TPST1: variants seen among roughly 807,000 people sequenced by gnomAD.
The protein encoded by TPST1 is tyrosylprotein sulfotransferase 1.
Under a neutral mutation model 34.8 loss-of-function variants are expected in TPST1, and 20 were observed. That is an observed-to-expected ratio of 0.57 (90% CI 0.40 to 0.84). The LOEUF (loss-of-function observed/expected upper bound fraction) is 0.84, where lower values mean the gene tolerates loss of function less well. TPST1 is among the 40% of genes least tolerant of loss of function. TPST1 has a pLI of 0.00. For missense variants in TPST1, 353 were observed against 455.5 expected, an observed-to-expected ratio of 0.78 and a Z score of 2.05; for synonymous variants, 152 against 159.4, an observed-to-expected ratio of 0.95 and a Z score of 0.35.
intron 3 of TPST1, among the ~76,000 whole-genome samples, chr7:66,347,100 C>G (rs1389784495): frequency 9.8e-6 from 1 of 102,120 alleles, no homozygotes; most frequent in Admixed American, 1.6e-4. Flanking sequence ...CAGGGTCTCA[C>G]TCTGTCTCCC....
intron 3 of TPST1, among the ~76,000 whole-genome samples, chr7:66,343,213 C>T (rs1364785595): frequency 3.9e-5 from 6 of 152,110 alleles, no homozygotes; most frequent in Admixed American, 1.3e-4. Context: ...TTTAGGGAAA[C>T]GAAGAAATGA....
chr7:66,212,084 C>T (rs1335962436), intron 1 of TPST1, among the ~76,000 whole-genome samples: 2 of 152,178 alleles, frequency 1.3e-5, no homozygotes, highest in African/African-American at 4.8e-5. Context: ...ACAGTTACTA[C>T]AGAGGTTTAT....
At chr7:66,357,503 T>C (rs1792604894) in intron 5 of TPST1, among the ~76,000 whole-genome samples, 1 of 152,258 alleles carries the variant, frequency 6.6e-6, no homozygotes, top group Non-Finnish European at 1.5e-5. Context: ...GTAACCTATA[T>C]TGTCTCATTG....
chr7:66,327,980 GT>G (rs1030094934), intron 3 of TPST1, among the ~76,000 whole-genome samples: 8 of 48,722 alleles, frequency 1.6e-4, no homozygotes, highest in East Asian at 1.0e-3. Context: ...TGTTTTTGGT[GT>G]TTTTTTTTCT....
intron 2 of TPST1, among the ~76,000 whole-genome samples, chr7:66,277,849 A>G (rs945930853): frequency 6.6e-6 from 1 of 152,004 alleles, no homozygotes; most frequent in African/African-American, 2.4e-5. Flanking sequence ...GACCTATTAG[A>G]AGAATGTTGC....
rs1462629550 is a variant in TPST1 at position 66,286,634 on chromosome 7, G to A, written c.969G>A (p.Lys323=). The change falls in exon 3 of 6, where the codon AAG becomes AAA. Residue 323 remains lysine (K), a synonymous_variant. Coordinates refer to ENST00000304842, the MANE Select transcript of TPST1 (RefSeq NM_003596.4). ...CAGTGATTGCTCCTATGCTTGCCAA[G>A]CTTGGATATGACCCATATGCCAACC... is the stretch of plus-strand genomic sequence containing the variant. ...DMAVIAPMLA[K]LGYDPYANPP... is the part of the protein sequence containing the mutation. 1 of 1,608,786 alleles carries A rather than the reference G, an allele frequency of 6.2e-7. No individual in the cohort carries two copies. The highest frequency in any genetic ancestry group is 1.7e-5 in the Admixed American group (1 of 59,534).
chr7:66,337,552 G>T (rs559186480), intron 3 of TPST1, among the ~76,000 whole-genome samples: 2 of 151,876 alleles, frequency 1.3e-5, no homozygotes, highest in African/African-American at 4.8e-5. Flanking sequence ...CAGGTGATCC[G>T]CCCATCTCGG....
At chr7:66,258,750 G>A (rs1354210360) in intron 2 of TPST1, among the ~76,000 whole-genome samples, 1 of 152,190 alleles carries the variant, frequency 6.6e-6, no homozygotes, top group Non-Finnish European at 1.5e-5. Context: ...TAATGAGAAT[G>A]ATTCTTACGC....
At chr7:66,257,912 G>A (rs1218211410) in intron 2 of TPST1, among the ~76,000 whole-genome samples, 1 of 152,180 alleles carries the variant, frequency 6.6e-6, no homozygotes, top group East Asian at 1.9e-4. Flanking sequence ...AATTGAAGGA[G>A]TCATCTGACT....
intron 1 of TPST1, among the ~76,000 whole-genome samples, chr7:66,239,526 T>A (rs1789982711): frequency 6.6e-6 from 1 of 152,210 alleles, no homozygotes; most frequent in African/African-American, 2.4e-5. Context: ...AAATAAATTG[T>A]GGGATAATAA....
chr7:66,237,390 A>G (rs560727806), intron 1 of TPST1, among the ~76,000 whole-genome samples: 4 of 152,290 alleles, frequency 2.6e-5, no homozygotes, highest in African/African-American at 9.6e-5. Context: ...GGATTTCCAG[A>G]GCACTGAAAG....
At chr7:66,311,802 A>C (rs1234973172) in intron 3 of TPST1, among the ~76,000 whole-genome samples, 1 of 152,214 alleles carries the variant, frequency 6.6e-6, no homozygotes, top group Non-Finnish European at 1.5e-5. Flanking sequence ...AAATTTGTCC[A>C]CAGGACGAGG....
At chr7:66,246,271 T>C (rs1790147953) in intron 2 of TPST1, among the ~76,000 whole-genome samples, 1 of 146,266 alleles carries the variant, frequency 6.8e-6, no homozygotes, top group South Asian at 2.2e-4. Flanking sequence ...CCTCAAGCAG[T>C]CTTCCTGCCA....
upstream of TPST1, chr7:66,205,301 C>T (rs763817721): frequency 3.3e-5 from 5 of 152,386 alleles, no homozygotes; most frequent in Non-Finnish European, 5.9e-5. This position sits in a 1 kb window ranked among gnomAD's most constrained non-coding sequence, Gnocchi z 5.0. Flanking sequence ...CTCCCCGGAC[C>T]CTGGCGGTTG....
intron 3 of TPST1, among the ~76,000 whole-genome samples, chr7:66,337,419 C>T (rs1792143213): frequency 6.7e-6 from 1 of 149,612 alleles, no homozygotes. Flanking sequence ...AAGTGATTCT[C>T]ATGCCTCAGC....
chr7:66,267,719 T>C (rs527558399), intron 2 of TPST1, among the ~76,000 whole-genome samples: 16 of 152,182 alleles, frequency 1.1e-4, no homozygotes, highest in Admixed American at 7.2e-4. Flanking sequence ...TCCACAGTTA[T>C]TCATTTATTC....
At chr7:66,277,051 A>G (rs901719069) in intron 2 of TPST1, among the ~76,000 whole-genome samples, 1 of 151,786 alleles carries the variant, frequency 6.6e-6, no homozygotes, top group Non-Finnish European at 1.5e-5. Context: ...AGACTTCCTG[A>G]CTCCATAGCC....
chr7:66,235,717 C>T (rs1789898618), intron 1 of TPST1, among the ~76,000 whole-genome samples: 2 of 152,106 alleles, frequency 1.3e-5, no homozygotes, highest in Admixed American at 6.5e-5. Context: ...GTCCTGATGA[C>T]GTGTGCCCAA....
intron 2 of TPST1, among the ~76,000 whole-genome samples, chr7:66,271,368 G>A (rs1203685851): frequency 1.3e-5 from 2 of 152,110 alleles, no homozygotes; most frequent in African/African-American, 4.8e-5. Context: ...TAGTAGAGAC[G>A]GGGTTTCACC....
Sources: allele counts gnomAD v4.1 joint callset (sites outside exome capture counted in the v4.1 genomes callset), GRCh38; gene constraint gnomAD v4.1.1; non-coding constraint Gnocchi (gnomAD v3.1); transcripts MANE v1.5; gene names NCBI Gene and HGNC (gene_info 2026-07-23, HGNC 2026-07-21).